The following HECTD4 variants were observed in gnomAD, a reference collection of about 807,000 sequenced individuals.
HECTD4 encodes probable E3 ubiquitin-protein ligase HECTD4.
A neutral mutation model predicts 471.5 loss-of-function variants in HECTD4; 114 were observed. The ratio of observed to expected loss-of-function variants is 0.24; its 90% CI spans 0.21 to 0.28. The LOEUF (loss-of-function observed/expected upper bound fraction) is 0.28. Ranked by LOEUF, HECTD4 falls within the 10% of genes least tolerant of loss-of-function variation. The pLI is 1.00. For synonymous variants in HECTD4, 2,012 were observed against 2,256.0 expected (o/e 0.89, Z 3.07); for missense variants, 3,866 against 5,651.5 (o/e 0.68, Z 10.13).
At chr12:112,255,117 T>C (rs757064216) in intron 21 of HECTD4, among the ~76,000 whole-genome samples, 2 of 152,220 alleles carry the variant, frequency 1.3e-5, no homozygotes, top group African/African-American at 2.4e-5. Flanking sequence ...TTAACACTAA[T>C]GTCTACTGCA....
At chr12:112,236,799 T>C (rs1687191414) in intron 35 of HECTD4, 146 bp downstream of exon 35, 1 of 660,754 alleles carries the variant, frequency 1.5e-6, no homozygotes, top group South Asian at 3.3e-5. Context: ...AATGACTTTA[T>C]CCTCCATTAT....
intron 1 of HECTD4, among the ~76,000 whole-genome samples, chr12:112,329,115 C>T (rs944019131): frequency 6.6e-6 from 1 of 152,096 alleles, no homozygotes; most frequent in African/African-American, 2.4e-5. Context: ...TCTATTTTTC[C>T]ATCTCCCTGC....
chr12:112,185,149 T>A lies in HECTD4; in HGVS notation c.9817A>T (p.Met3273Leu). The change falls in exon 61 of 76, where the codon ATG (methionine) becomes TTG (leucine). Residue 3273 changes from methionine (M) to leucine (L), a missense_variant. Around this residue, in one of 16 missense-constraint regions of HECTD4, gnomAD observed 38 missense variants for 72.1 expected, o/e 0.53. Transcript: ENST00000682272. The part of the protein sequence containing the change: ...AVAEVTLPTN[M>L]SVTASGVTSA... ...GTCACCCCACTGGCTGTGACACTCA[T>A]GTTAGTAGGCAGGGTCACTTCGGCC... 6.4e-7 allele frequency: 1 copy of A among 1,553,174 alleles called. No homozygotes were observed. Among genetic ancestry groups the A allele is most frequent in the Non-Finnish European group, 8.7e-7 (1 of 1,147,780 alleles).
In HECTD4 at chr12:112,176,692, AG is replaced by A. The variant is rs2031461031; in HGVS notation, c.11373del (p.Leu3792Ter). 1 of 1,613,120 alleles carries A rather than the reference AG, an allele frequency of 6.2e-7. No homozygotes were observed. The highest frequency in any genetic ancestry group is 8.5e-7 in the Non-Finnish European group (1 of 1,179,250). ...TTCACAGTTGGCTTCTTCTCACTTAAGGCAGTCCTGCTGTAGACCAAAGCAC... is the reference window on the plus strand; with the variant it reads ...TTCACAGTTGGCTTCTTCTCACTTAAGCAGTCCTGCTGTAGACCAAAGCAC... Reference protein sequence around the residue: ...KAVLNSVSRTALSEKKPTVKP... With the variant: ...KAVLNSVSRTXLSEKKPTVKP... On this transcript the variant is annotated frameshift_variant, in exon 65 of 76. Transcript: ENST00000682272. LOFTEE classifies it high-confidence loss of function.
At chr12:112,242,218 A>G (rs1203633721) in intron 32 of HECTD4, among the ~76,000 whole-genome samples, 1 of 152,242 alleles carries the variant, frequency 6.6e-6, no homozygotes, top group East Asian at 1.9e-4. Flanking sequence ...AAGCAAAAAC[A>G]AAAGCAATAA....
Position 112,235,899 on chromosome 12 carries a change from A to G in HECTD4, c.5445-115T>C. 1 of 917,456 alleles carries G rather than the reference A, an allele frequency of 1.1e-6. No homozygotes were observed. Among genetic ancestry groups the G allele is most frequent in the Non-Finnish European group, 1.6e-6 (1 of 619,450 alleles). 56.8% of individuals were successfully genotyped at this position (917,456 alleles called of 1,614,324 possible). On this transcript the variant is annotated intron_variant, in intron 35 of 75. Coordinates refer to ENST00000682272, the MANE Select transcript of HECTD4 (RefSeq NM_001388303.1). This position sits in a 1 kb window ranked among gnomAD's most constrained non-coding sequence, Gnocchi z 5.0. ...ATGAAATCTGATTTCACGAGGAATC[A>G]TGAATGTGGCACTATGCTTCTGTGA...
chr12:112,231,471 C>A (rs1034245053), intron 39 of HECTD4, 42 bp downstream of exon 39: 1 of 1,574,272 alleles, frequency 6.4e-7, no homozygotes, highest in Admixed American at 1.7e-5. Flanking sequence ...ATAAAGTAAA[C>A]CTGAGATGAG....
intron 11 of HECTD4, among the ~76,000 whole-genome samples, chr12:112,271,784 G>GT (rs2034419275): frequency 6.6e-6 from 1 of 151,854 alleles, no homozygotes; most frequent in East Asian, 1.9e-4. Context: ...GTTTTGTTTT[G>GT]TTTTTTAAAA....
rs375590063 is a variant in HECTD4, at chr12:112,163,976, C to T, written c.12701+133G>A. The T allele has an allele frequency of 9.8e-7, 1 of 1,017,814 alleles. No individual in the cohort carries two copies. Among genetic ancestry groups the T allele is most frequent in the African/African-American group, 1.6e-5 (1 of 61,090 alleles). 63.0% of individuals were successfully genotyped at this position (1,017,814 alleles called of 1,614,324 possible). On this transcript the variant is annotated intron_variant, in intron 73 of 75. Coordinates refer to ENST00000682272, the MANE Select transcript of HECTD4 (RefSeq NM_001388303.1). This position sits in a 1 kb window ranked among gnomAD's most constrained non-coding sequence, Gnocchi z 8.2. ...GGCACCCACCATCCTGCCTCATCTCCCTCTCCTGGTGAAATCCACCTGTCA... is the reference window on the plus strand; with the variant it reads ...GGCACCCACCATCCTGCCTCATCTCTCTCTCCTGGTGAAATCCACCTGTCA...
chr12:112,192,938 G>A, intron 58 of HECTD4, 123 bp downstream of exon 58: 1 of 1,297,872 alleles, frequency 7.7e-7, no homozygotes, highest in South Asian at 1.4e-5. Flanking sequence ...GAAATATGGA[G>A]AGAATTGTAA....
rs1325111337 is a variant in HECTD4 at position 112,239,496 on chromosome 12, A to G, written c.5106-260T>C. ...CTCAATGTTGCCATGATGGAAAAAA[A>G]TCATGTATTTTGTCCTAAGGGGATT... On this transcript the variant is annotated intron_variant, in intron 33 of 75. Coordinates refer to ENST00000682272, the MANE Select transcript of HECTD4 (RefSeq NM_001388303.1). This position sits in a 1 kb window ranked among gnomAD's most constrained non-coding sequence, Gnocchi z 4.9. Among the ~76,000 whole-genome samples the G allele has an allele frequency of 6.6e-6, 1 of 152,240 alleles. No homozygotes were observed. The highest frequency in any genetic ancestry group is 1.5e-5 in the Non-Finnish European group (1 of 68,044).
chr12:112,353,602 G>A (rs187619715), intron 1 of HECTD4, among the ~76,000 whole-genome samples: 12 of 152,192 alleles, frequency 7.9e-5, no homozygotes, highest in Admixed American at 7.2e-4. Context: ...GAACAAGGAG[G>A]GTGGATCACA....
At chr12:112,290,815 T>G (rs899280415) in intron 7 of HECTD4, among the ~76,000 whole-genome samples, 2 of 134,494 alleles carry the variant, frequency 1.5e-5, no homozygotes, top group African/African-American at 5.8e-5. Flanking sequence ...ACCATTGCAC[T>G]CCAGCCTGAG....
intron 7 of HECTD4, among the ~76,000 whole-genome samples, chr12:112,295,308 A>G (rs922724506): frequency 4.6e-5 from 7 of 152,018 alleles, no homozygotes; most frequent in Non-Finnish European, 7.4e-5. Context: ...TATTTCATAT[A>G]GAATGGTCTT....
At chr12:112,371,285 G>T (rs546878298) in intron 1 of HECTD4, among the ~76,000 whole-genome samples, 28 of 152,100 alleles carry the variant, frequency 1.8e-4, no homozygotes, top group Non-Finnish European at 4.0e-4. Flanking sequence ...TGAGAAGGAA[G>T]AAAATTCCAG....
intron 7 of HECTD4, among the ~76,000 whole-genome samples, chr12:112,290,428 C>T (rs909641802): frequency 7.4e-5 from 11 of 147,990 alleles, no homozygotes; most frequent in African/African-American, 2.0e-4. Context: ...GGGAGGCAGA[C>T]GTGAGAAGAT....
chr12:112,381,791 C>G lies in HECTD4; in HGVS notation c.177+161G>C, dbSNP rs946437633. On this transcript the variant is annotated intron_variant, in intron 1 of 75. Transcript: ENST00000682272. The surrounding 1 kb of genome is among the most constrained non-coding windows in gnomAD (Gnocchi z 4.1). ...GAGAGCGGGGCGGGCGGTCCGCAGA[C>G]CTGCGGCCGCGGCCCCACCTGCCCG... 6.6e-6 allele frequency among the ~76,000 whole-genome samples: 1 copy of G among 151,914 alleles called. No homozygotes were observed. The highest frequency in any genetic ancestry group is 2.4e-5 in the African/African-American group (1 of 41,418).
intron 68 of HECTD4, 82 bp from the exon 69 acceptor site, chr12:112,170,534 TG>T: frequency 6.5e-7 from 1 of 1,544,056 alleles, no homozygotes; most frequent in Middle Eastern, 1.8e-4. Context: ...TTCCGGTCCC[TG>T]GGTGTGGCAC....
chr12:112,284,999 T>G (rs2034721337), intron 7 of HECTD4, among the ~76,000 whole-genome samples: 1 of 152,044 alleles, frequency 6.6e-6, no homozygotes, highest in African/African-American at 2.4e-5. Context: ...ATCTGGCTAA[T>G]TTTTGTATTA....
Sources: gnomAD v4.1 joint callset for allele counts (sites outside exome capture counted in the v4.1 genomes callset) on GRCh38, gnomAD v4.1.1 for gene constraint, gnomAD v4.1.1 regional missense constraint, Gnocchi (gnomAD v3.1) non-coding constraint, MANE v1.5 for transcripts, NCBI Gene and HGNC (gene_info 2026-07-23, HGNC 2026-07-21) for gene names.